The following NDUFS5 variants were observed in gnomAD, a reference collection of about 807,000 sequenced individuals.
NDUFS5 encodes the protein NADH dehydrogenase [ubiquinone] iron-sulfur protein 5.
In NDUFS5, 7 loss-of-function variants were observed where a neutral mutation model predicts 10.5. That is an observed-to-expected ratio of 0.66 (90% CI 0.38 to 1.25). The LOEUF (loss-of-function observed/expected upper bound fraction) is 1.25, where lower values mean the gene tolerates loss of function less well. Among genes scored for constraint, NDUFS5 ranks in the 50% most tolerant of loss-of-function variants. The pLI is 0.02. For missense variants in NDUFS5, 148 were observed against 140.7 expected (o/e 1.05, Z -0.26); for synonymous variants, 38 against 44.0 (o/e 0.86, Z 0.54).
intron 2 of NDUFS5, among the ~76,000 whole-genome samples, chr1:39,033,439 G>A (rs999054725): frequency 4.0e-5 from 6 of 151,474 alleles, no homozygotes; most frequent in Non-Finnish European, 7.4e-5. Context: ...CGGGTGTGGT[G>A]GCGGGCGCCT....
intron 1 of NDUFS5, among the ~76,000 whole-genome samples, chr1:39,027,145 A>C (rs918014439): frequency 3.3e-5 from 5 of 151,948 alleles, no homozygotes; most frequent in African/African-American, 1.2e-4. Flanking sequence ...ATCTCGGCTC[A>C]CTGCAGCCTC....
intron 2 of NDUFS5, among the ~76,000 whole-genome samples, 173 bp from the exon 3 acceptor site, chr1:39,034,219 C>G (rs540144836): frequency 6.6e-6 from 1 of 152,236 alleles, no homozygotes; most frequent in Admixed American, 6.6e-5. Flanking sequence ...TGTTTGAAAG[C>G]TTGGGAAGTG....
chr1:39,029,908 T>C (rs1003131981), intron 2 of NDUFS5, among the ~76,000 whole-genome samples: 1 of 151,740 alleles, frequency 6.6e-6, no homozygotes. Context: ...CTGGCCAAGA[T>C]GGTGAAACCC....
At chr1:39,032,101 G>T (rs538776460) in intron 2 of NDUFS5, among the ~76,000 whole-genome samples, 1 of 150,630 alleles carries the variant, frequency 6.6e-6, no homozygotes, top group East Asian at 1.9e-4. Flanking sequence ...GGAGGTTGTA[G>T]TGAGTTGAGA....
chr1:39,034,419 C>G lies in NDUFS5; in HGVS notation c.244C>G (p.Gln82Glu), dbSNP rs775522859. Residue 82 changes from glutamine to glutamate, a missense_variant, in exon 3 of 3, where the codon CAG becomes GAG. Transcript: ENST00000372969. ...TMRRAGTIRK[Q>E]RDKLIKEGKY... ...GAGACGTGCAGGTACCATCAGGAAG[C>G]AGCGGGATAAGCTGATAAAGGAAGG... is the stretch of plus-strand genomic sequence containing the variant. 2 of 1,613,514 alleles carry G rather than the reference C, an allele frequency of 1.2e-6. No homozygotes were observed. Among genetic ancestry groups the G allele is most frequent in the Admixed American group, 3.3e-5 (2 of 59,992 alleles).
chr1:39,034,330 C>T (rs1644213718), intron 2 of NDUFS5, 62 bp from the exon 3 acceptor site: 1 of 1,518,958 alleles, frequency 6.6e-7, no homozygotes, highest in Non-Finnish European at 9.1e-7. Context: ...ATCTGTTTTT[C>T]CAGTTCTCAC....
rs1644213276 is a variant in NDUFS5 at position 39,034,280 on chromosome 1, A to T, written c.217-112A>T. 5 of 914,054 alleles carry T rather than the reference A, an allele frequency of 5.5e-6. No individual in the cohort carries two copies. In the Admixed American group the frequency reaches 1.0e-4, roughly 19 times the overall value. The allele number at this position is 914,054 out of a possible 1,614,324, so 56.6% of individuals were successfully genotyped here. ...GACTTCATTTCAGAGGCCCCGTAAGATGAAAGGCCTTTTGTAGTTTAAAAA... is the reference window on the plus strand; with the variant it reads ...GACTTCATTTCAGAGGCCCCGTAAGTTGAAAGGCCTTTTGTAGTTTAAAAA... On this transcript the variant is annotated intron_variant, in intron 2 of 2. Coordinates refer to ENST00000372969, the MANE Select transcript of NDUFS5 (RefSeq NM_004552.3).
At chr1:39,028,401 A>G (rs938184889) in intron 1 of NDUFS5, among the ~76,000 whole-genome samples, 3 of 152,232 alleles carry the variant, frequency 2.0e-5, no homozygotes, top group Non-Finnish European at 1.5e-5. Flanking sequence ...CATGCGCTGC[A>G]GCCTGGGTAA....
At chr1:39,029,058 C>G in intron 2 of NDUFS5, 118 bp downstream of exon 2, 1 of 890,936 alleles carries the variant, frequency 1.1e-6, no homozygotes, top group Non-Finnish European at 1.7e-6. Flanking sequence ...GATGGCGCCA[C>G]CTCGTCTCAC....
At chr1:39,030,734 AG>A (rs201555776) in intron 2 of NDUFS5, among the ~76,000 whole-genome samples, 1 of 144,246 alleles carries the variant, frequency 6.9e-6, no homozygotes, top group African/African-American at 2.5e-5. Context: ...AAAAAAAAAA[AG>A]AAAATAAAAA....
chr1:39,027,944 A>C (rs74811318), intron 1 of NDUFS5, among the ~76,000 whole-genome samples: 16,564 of 146,152 alleles, frequency 0.11, 1,181 homozygotes, highest in Non-Finnish European at 0.16. Context: ...CAGCCTCCCG[A>C]ATAGTTGGGA....
Position 39,030,839 on chromosome 1 carries a change from G to T in NDUFS5, c.216+1899G>T, listed in dbSNP as rs1407048374. Reference sequence around the variant, plus strand: ...TTAGGAGAGTCAGGTTCTGATGCTGGTTCTGCCACCACTCATTTGTTGTTG... The same window carrying T: ...TTAGGAGAGTCAGGTTCTGATGCTGTTTCTGCCACCACTCATTTGTTGTTG... On this transcript the variant is annotated intron_variant, in intron 2 of 2. Coordinates refer to ENST00000372969, the MANE Select transcript of NDUFS5 (RefSeq NM_004552.3). Among the ~76,000 whole-genome samples, 3 of 152,142 alleles carry T rather than the reference G, an allele frequency of 2.0e-5. No homozygotes were observed. The East Asian group carries it at 5.8e-4, about 29-fold the overall frequency.
intron 2 of NDUFS5, among the ~76,000 whole-genome samples, chr1:39,032,874 T>C (rs1644198872): frequency 6.6e-6 from 1 of 152,184 alleles, no homozygotes; most frequent in Non-Finnish European, 1.5e-5. Context: ...CAAAGGTCCC[T>C]GAGCTGACTG....
At chr1:39,033,702 A>G (rs996760933) in intron 2 of NDUFS5, among the ~76,000 whole-genome samples, 1 of 149,794 alleles carries the variant, frequency 6.7e-6, no homozygotes, top group Non-Finnish European at 1.5e-5. Context: ...GAGTTTCACC[A>G]TATTGGCCAG....
chr1:39,028,460 G>A (rs567074623), intron 1 of NDUFS5, among the ~76,000 whole-genome samples: 65 of 152,114 alleles, frequency 4.3e-4, no homozygotes, highest in African/African-American at 1.5e-3. Context: ...GCTCCTGACC[G>A]AGAAAGGATT....
chr1:39,030,978 T>C (rs1449941019), intron 2 of NDUFS5, among the ~76,000 whole-genome samples: 1 of 152,002 alleles, frequency 6.6e-6, no homozygotes, highest in Non-Finnish European at 1.5e-5. Flanking sequence ...CAGGTGATTC[T>C]TCCACTTCAG....
intron 2 of NDUFS5, among the ~76,000 whole-genome samples, chr1:39,032,084 G>A (rs1048662671): frequency 6.6e-6 from 1 of 151,922 alleles, no homozygotes; most frequent in African/African-American, 2.4e-5. Flanking sequence ...GCTTGAACCC[G>A]AGAGGCGGAG....
chr1:39,029,443 T>C (rs1644175446), intron 2 of NDUFS5, among the ~76,000 whole-genome samples: 1 of 152,184 alleles, frequency 6.6e-6, no homozygotes, highest in South Asian at 2.1e-4. Context: ...GATGGTCCAT[T>C]GTTCCTCAGC....
Position 39,028,714 on chromosome 1 carries a change from C to G in NDUFS5, c.-2-9C>G. The G allele has an allele frequency of 6.2e-7, 1 of 1,612,600 alleles. No individual in the cohort carries two copies. ...TTATTTACTTATTTTTTTAAATCTT[C>G]CATTACAGCCATGCCTTTCTTGGAC... On this transcript the variant is annotated splice_polypyrimidine_tract_variant and intron_variant, in intron 1 of 2. Coordinates refer to ENST00000372969, the MANE Select transcript of NDUFS5 (RefSeq NM_004552.3).
Sources: gnomAD v4.1 joint callset for allele counts (sites outside exome capture counted in the v4.1 genomes callset) on GRCh38, gnomAD v4.1.1 for gene constraint, MANE v1.5 for transcripts, NCBI Gene and HGNC (gene_info 2026-07-23, HGNC 2026-07-21) for gene names.